RIMKLA: variants seen among roughly 807,000 people sequenced by gnomAD.
RIMKLA encodes the protein ribosomal modification protein rimK like family member A.
In RIMKLA, 14 loss-of-function variants were observed where a neutral mutation model predicts 32.7. That is an observed-to-expected ratio of 0.43 (90% CI 0.28 to 0.67). RIMKLA has a LOEUF of 0.67. Ranked by LOEUF, RIMKLA falls within the 30% of genes least tolerant of loss-of-function variation. The probability of loss-of-function intolerance (pLI) is 0.18; values close to 1 mark genes in which losing one functional copy is unlikely to be tolerated. For missense variants in RIMKLA, 410 were observed against 519.0 expected (o/e 0.79, Z 2.04); for synonymous variants, 176 against 204.1 (o/e 0.86, Z 1.18).
chr1:42,404,995 C>A (rs143142088), intron 3 of RIMKLA, among the ~76,000 whole-genome samples: 18 of 152,308 alleles, frequency 1.2e-4, no homozygotes, highest in Non-Finnish European at 2.1e-4. Context: ...ACAGCCTCAG[C>A]CTTCCCTTGC....
chr1:42,390,983 C>T (rs758101315), intron 1 of RIMKLA, among the ~76,000 whole-genome samples: 5 of 151,902 alleles, frequency 3.3e-5, no homozygotes, highest in Non-Finnish European at 5.9e-5. Flanking sequence ...AGGATATGAA[C>T]GGAGGGACAG....
chr1:42,392,155 T>G (rs1643004978), intron 1 of RIMKLA, among the ~76,000 whole-genome samples: 1 of 152,186 alleles, frequency 6.6e-6, no homozygotes, highest in South Asian at 2.1e-4. Flanking sequence ...TTTAGAGGCA[T>G]GAGGTGTCAA....
chr1:42,407,558 C>T (rs569951595), intron 3 of RIMKLA, among the ~76,000 whole-genome samples: 2 of 152,274 alleles, frequency 1.3e-5, no homozygotes, highest in African/African-American at 4.8e-5. Flanking sequence ...CCAGTTTTCC[C>T]AGTACCATTT....
intron 4 of RIMKLA, among the ~76,000 whole-genome samples, 158 bp from the exon 5 acceptor site, chr1:42,414,326 G>A (rs76833422): frequency 0.018 from 2,765 of 152,124 alleles, 104 homozygotes; most frequent in African/African-American, 0.064. Flanking sequence ...AAAAATGGCC[G>A]TATTGTTTTC....
At chr1:42,385,808 T>TTCCTTCCTTCC (rs1642934309) in intron 1 of RIMKLA, among the ~76,000 whole-genome samples, 1 of 75,888 alleles carries the variant, frequency 1.3e-5, no homozygotes, top group Non-Finnish European at 3.1e-5. Context: ...TCTCTCTCTC[T>TTCCTTCCTTCC]TTCCTTCCTT....
rs1254110698 is a variant in RIMKLA, at chr1:42,414,999, A to T, written c.*25A>T. 6 of 1,573,598 alleles carry T rather than the reference A, an allele frequency of 3.8e-6. No homozygotes were observed. Among genetic ancestry groups the T allele is most frequent in the Non-Finnish European group, 4.3e-6 (5 of 1,161,398 alleles). On this transcript the variant is annotated 3_prime_UTR_variant, in exon 5 of 5. Transcript: ENST00000431473. ...AATTCCTGCTTTTTGGCAGCATTTA[A>T]ACCAAATCCTACTGCTTCCCTAGTA...
chr1:42,400,568 A>G (rs1344589842), intron 2 of RIMKLA, among the ~76,000 whole-genome samples: 3 of 152,236 alleles, frequency 2.0e-5, no homozygotes, highest in Non-Finnish European at 4.4e-5. Context: ...GTTTGGAGAG[A>G]AATCAAGAGT....
At chr1:42,386,186 A>G (rs12088624) in intron 1 of RIMKLA, among the ~76,000 whole-genome samples, 89,599 of 151,442 alleles carry the variant, frequency 0.59, 26,833 homozygotes, top group Middle Eastern at 0.65. Context: ...GCCTCCAAAA[A>G]TGCTGGTATT....
chr1:42,380,898 G>A lies in RIMKLA; in HGVS notation c.-37G>A, dbSNP rs1642880579. 4.0e-6 allele frequency: 5 copies of A among 1,260,328 alleles called. No individual in the cohort carries two copies. Among genetic ancestry groups the A allele is most frequent in the Non-Finnish European group, 5.0e-6 (5 of 1,005,782 alleles). The allele number at this position is 1,260,328 out of a possible 1,614,324, so 78.1% of individuals were successfully genotyped here. ...TGAGCGAGCGGCCCGGGGCGCCGAGGGGTCCGCGCCGCGCGGGGCGCACCG... is the reference window on the plus strand; with the variant it reads ...TGAGCGAGCGGCCCGGGGCGCCGAGAGGTCCGCGCCGCGCGGGGCGCACCG... On this transcript the variant is annotated 5_prime_UTR_variant, in exon 1 of 5. Transcript: ENST00000431473.
chr1:42,413,878 G>T (rs1422558289), intron 4 of RIMKLA, among the ~76,000 whole-genome samples: 2 of 149,136 alleles, frequency 1.3e-5, no homozygotes, highest in African/African-American at 4.9e-5. Flanking sequence ...AACTGCAGCT[G>T]GGGTGGGAGG....
rs1642878857 is a variant in RIMKLA at position 42,380,806 on chromosome 1, C to A, written c.-129C>A. Reference sequence around the variant, plus strand: ...GGGTCAGGGCTGCAGAGACGCCTGGCGCACCCGCGGGAGCGGAGCCGTGGC... The same window carrying A: ...GGGTCAGGGCTGCAGAGACGCCTGGAGCACCCGCGGGAGCGGAGCCGTGGC... On this transcript the variant is annotated 5_prime_UTR_variant, in exon 1 of 5. Transcript: ENST00000431473. The A allele has an allele frequency of 5.3e-6, 2 of 378,144 alleles. No individual in the cohort carries two copies. Among genetic ancestry groups the A allele is most frequent in the African/African-American group, 2.2e-5 (1 of 45,632 alleles). 23.4% of individuals were successfully genotyped at this position (378,144 alleles called of 1,614,324 possible).
Position 42,399,423 on chromosome 1 carries a change from G to C in RIMKLA, c.183G>C (p.Lys61Asn). 6.2e-7 allele frequency: 1 copy of C among 1,611,228 alleles called. No individual in the cohort carries two copies. The change falls in exon 2 of 5, where the codon AAG (lysine) becomes AAC (asparagine). Residue 61 changes from lysine (K) to asparagine (N), a missense_variant. Coordinates refer to ENST00000431473, the MANE Select transcript of RIMKLA (RefSeq NM_173642.4). ...TTGCAGGCCTCCAGCTAAACCAGAA[G>C]GCCCTCACCACTTTCCCGGATGTGG... The part of the protein sequence containing the change: ...GGHLGLQLNQ[K>N]ALTTFPDVVL...
In RIMKLA at chr1:42,385,847, T is replaced by TC. The variant is rs1557749948; in HGVS notation, c.163+4750_163+4751insC. Among the ~76,000 whole-genome samples the TC allele has an allele frequency of 3.0e-3, 42 of 14,122 alleles. 2 individuals carry two copies. The highest frequency in any genetic ancestry group is 5.7e-3 in the African/African-American group (37 of 6,502). The allele number at this position is 14,122 out of a possible 152,430, so 9.3% of individuals were successfully genotyped here. On this transcript the variant is annotated intron_variant, in intron 1 of 4. Transcript: ENST00000431473. The stretch of plus-strand genomic sequence containing the variant: ...TCCTTCCTTTCTTTCTTTCTTTCTC[T>TC]TTCTTTCTTTCTTTCTTTCTTTCTT...
At chr1:42,409,913 G>C in intron 3 of RIMKLA, 71 bp from the exon 4 acceptor site, 1 of 1,189,240 alleles carries the variant, frequency 8.4e-7, no homozygotes, top group Non-Finnish European at 1.2e-6. Flanking sequence ...TTATGGACAA[G>C]GAGGCCAGAT....
In RIMKLA at chr1:42,423,548, A is replaced by C. The variant is rs1472797621; in HGVS notation, c.*8574A>C. 6.6e-6 allele frequency among the ~76,000 whole-genome samples: 1 copy of C among 152,126 alleles called. No homozygotes were observed. Among genetic ancestry groups the C allele is most frequent in the East Asian group, 1.9e-4 (1 of 5,194 alleles). On this transcript the variant is annotated 3_prime_UTR_variant, in exon 5 of 5. Coordinates refer to ENST00000431473, the MANE Select transcript of RIMKLA (RefSeq NM_173642.4). ...TGGAAAGGTTGCTGATGGCTTCCCT[A>C]CCCTCTTGACGGTGGCTCTGGCAGA...
intron 1 of RIMKLA, among the ~76,000 whole-genome samples, chr1:42,390,661 T>C (rs1240463361): frequency 6.6e-6 from 1 of 152,134 alleles, no homozygotes; most frequent in African/African-American, 2.4e-5. Flanking sequence ...ATAGGAAGAA[T>C]GAGAAGATGG....
chr1:42,401,009 A>C (rs1643092287), intron 2 of RIMKLA, among the ~76,000 whole-genome samples: 1 of 151,874 alleles, frequency 6.6e-6, no homozygotes, highest in Non-Finnish European at 1.5e-5. Flanking sequence ...GCTTTTTGAC[A>C]CCAGGGACCG....
At chr1:42,395,827 A>G (rs758245470) in intron 1 of RIMKLA, among the ~76,000 whole-genome samples, 5 of 152,218 alleles carry the variant, frequency 3.3e-5, no homozygotes, top group Non-Finnish European at 7.3e-5. Flanking sequence ...ATGGCTGTGT[A>G]TAACTGTTGC....
chr1:42,395,782 C>A (rs1041198118), intron 1 of RIMKLA, among the ~76,000 whole-genome samples: 2 of 152,096 alleles, frequency 1.3e-5, no homozygotes, highest in Non-Finnish European at 2.9e-5. Flanking sequence ...GACCTTTTGC[C>A]GAGGGCCAGC....
Sources: gnomAD v4.1 joint callset for allele counts (sites outside exome capture counted in the v4.1 genomes callset) on GRCh38, gnomAD v4.1.1 for gene constraint, MANE v1.5 for transcripts, NCBI Gene and HGNC (gene_info 2026-07-23, HGNC 2026-07-21) for gene names.